The following OSTM1 variants were observed in gnomAD, a reference collection of about 807,000 sequenced individuals.
OSTM1 encodes the protein osteoclastogenesis associated transmembrane protein 1.
OSTM1 carries 26 observed loss-of-function variants against 35.4 expected under a neutral mutation model. The ratio of observed to expected loss-of-function variants is 0.73; its 90% confidence interval spans 0.54 to 1.02. The LOEUF (loss-of-function observed/expected upper bound fraction) is 1.02. Ranked by LOEUF, OSTM1 falls within the 50% of genes least tolerant of loss-of-function variation. OSTM1 has a pLI of 0.00. For synonymous variants in OSTM1, 181 were observed against 165.0 expected, an observed-to-expected ratio of 1.10 and a Z score of -0.75; for missense variants, 366 against 409.6, an observed-to-expected ratio of 0.89 and a Z score of 0.92.
chr6:108,073,462 A>C (rs770469179), intron 1 of OSTM1, among the ~76,000 whole-genome samples: 8 of 152,208 alleles, frequency 5.3e-5, no homozygotes, highest in Non-Finnish European at 1.0e-4. Context: ...AGCAGCTACC[A>C]CACACCTAGA....
intron 2 of OSTM1, among the ~76,000 whole-genome samples, chr6:108,060,422 C>T (rs1275207943): frequency 2.6e-5 from 4 of 152,130 alleles, no homozygotes; most frequent in South Asian, 2.1e-4. Context: ...ATCTTTTTTA[C>T]AAAACACCTT....
At chr6:108,052,482 C>A (rs1772093791) in intron 3 of OSTM1, among the ~76,000 whole-genome samples, 1 of 146,032 alleles carries the variant, frequency 6.8e-6, no homozygotes. Context: ...TAAAATTGTG[C>A]ACATAATCTA....
chr6:108,052,819 C>A (rs1772102558), intron 3 of OSTM1, among the ~76,000 whole-genome samples: 1 of 152,166 alleles, frequency 6.6e-6, no homozygotes, highest in Admixed American at 6.5e-5. Flanking sequence ...CCCTTCATTG[C>A]AACTCCTGCT....
Position 108,064,175 on chromosome 6 carries a change from A to G in OSTM1, c.517+10T>C, listed in dbSNP as rs1772337702. On this transcript the variant is annotated intron_variant, in intron 2 of 5. Transcript: ENST00000193322. The stretch of plus-strand genomic sequence containing the variant: ...CATAACTGCAACATGAAAATGAAAG[A>G]ATTACTTACTTGCACAATTTGCCTC... The G allele has an allele frequency of 7.7e-7, 1 of 1,306,524 alleles. No individual in the cohort carries two copies. Among genetic ancestry groups the G allele is most frequent in the Non-Finnish European group, 1.1e-6 (1 of 901,976 alleles). The allele number at this position is 1,306,524 out of a possible 1,614,324, so 80.9% of individuals were successfully genotyped here.
At chr6:108,052,511 C>CTTTTTTTTTT (rs35984071) in intron 3 of OSTM1, among the ~76,000 whole-genome samples, 1 of 108,092 alleles carries the variant, frequency 9.3e-6, no homozygotes, top group African/African-American at 3.6e-5. Flanking sequence ...GTAATTTAAC[C>CTTTTTTTTTT]TTTTTTTTTT....
chr6:108,056,574 G>A (rs1422494082), intron 2 of OSTM1, among the ~76,000 whole-genome samples: 2 of 152,218 alleles, frequency 1.3e-5, no homozygotes, highest in African/African-American at 2.4e-5. Flanking sequence ...AGACAGCACA[G>A]TAAAGCTCCT....
rs375602860 is a variant in OSTM1 at position 108,074,339 on chromosome 6, T to C, written c.313A>G (p.Ser105Gly). The change falls in exon 1 of 6, where the codon AGC becomes GGC. Residue 105 changes from serine (S) to glycine (G), a missense_variant. By Grantham distance (56) the Ser-to-Gly change is moderately conservative. Transcript: ENST00000193322. ...SAELTGCLVR[S>G]ARPVRLCQTC... ...TGACAGAGGCGCACGGGCCGGGCGC[T>C]GCGCACCAGACACCCTGTCAGCTCT... 1.0e-4 allele frequency: 163 copies of C among 1,609,542 alleles called. No homozygotes were observed. In the Middle Eastern group the frequency reaches 1.2e-3, roughly 11 times the overall value.
intron 2 of OSTM1, among the ~76,000 whole-genome samples, chr6:108,057,320 A>T (rs1772186044): frequency 6.6e-6 from 1 of 152,170 alleles, no homozygotes; most frequent in Middle Eastern, 3.2e-3. Context: ...AAAAACAAAC[A>T]ATTACATAGT....
At chr6:108,049,864 T>G (rs1318965444) in intron 4 of OSTM1, among the ~76,000 whole-genome samples, 4 of 152,230 alleles carry the variant, frequency 2.6e-5, no homozygotes, top group African/African-American at 7.2e-5. Context: ...TAAGTACTTT[T>G]TACCATCTCG....
intron 5 of OSTM1, among the ~76,000 whole-genome samples, chr6:108,048,010 CT>C (rs1423773307): frequency 6.6e-6 from 1 of 152,194 alleles, no homozygotes; most frequent in Admixed American, 6.5e-5. Context: ...ACCTGAGCTA[CT>C]GCATATTTAC....
chr6:108,047,973 C>T (rs1772009522), intron 5 of OSTM1, among the ~76,000 whole-genome samples: 1 of 152,254 alleles, frequency 6.6e-6, no homozygotes, highest in South Asian at 2.1e-4. Context: ...CAATATTTTG[C>T]TATTATTCTA....
intron 2 of OSTM1, among the ~76,000 whole-genome samples, chr6:108,057,115 C>A (rs561269539): frequency 1.1e-4 from 16 of 152,032 alleles, no homozygotes; most frequent in African/African-American, 3.6e-4. Context: ...GTGGTCCCAG[C>A]GGCTTGGGAG....
At chr6:108,051,330 T>C (rs544220278) in intron 3 of OSTM1, 132 bp from the exon 4 acceptor site, 124 of 667,180 alleles carry the variant, frequency 1.9e-4, no homozygotes, top group Non-Finnish European at 3.0e-4. Context: ...TGATGTTGAG[T>C]AGGTTACTAA....
chr6:108,049,557 G>A (rs188552894), intron 4 of OSTM1, 139 bp from the exon 5 acceptor site: 6 of 1,463,562 alleles, frequency 4.1e-6, no homozygotes, highest in Non-Finnish European at 9.0e-7. Flanking sequence ...GATAGTTGAG[G>A]ACAACTTCTT....
chr6:108,049,141 C>G, intron 5 of OSTM1, 112 bp downstream of exon 5: 1 of 724,138 alleles, frequency 1.4e-6, no homozygotes, highest in South Asian at 1.7e-5. Context: ...GCAGAGAGTC[C>G]TTTTAGGCTA....
intron 5 of OSTM1, 58 bp downstream of exon 5, chr6:108,049,195 C>T (rs779966746): frequency 5.9e-6 from 7 of 1,187,848 alleles, no homozygotes; most frequent in South Asian, 1.3e-5. Flanking sequence ...CTAAAACAGG[C>T]CTAAATTTTT....
intron 1 of OSTM1, among the ~76,000 whole-genome samples, chr6:108,069,971 A>G: frequency 6.6e-6 from 1 of 152,166 alleles, no homozygotes. Flanking sequence ...AAAGAAGGGT[A>G]GAAAGAATGC....
At chr6:108,062,155 A>G (rs1036777065) in intron 2 of OSTM1, among the ~76,000 whole-genome samples, 1 of 152,196 alleles carries the variant, frequency 6.6e-6, no homozygotes, top group Admixed American at 6.5e-5. Flanking sequence ...ACAAAAACTA[A>G]TAATTATGTT....
At position 108,044,034 on chromosome 6, in the gene OSTM1, G is replaced by A. The variant is rs925420631; in HGVS notation, c.*751C>T. 12 of 152,506 alleles carry A rather than the reference G, an allele frequency of 7.9e-5. No homozygotes were observed. The highest frequency in any genetic ancestry group is 1.5e-4 in the Non-Finnish European group (10 of 68,016). The allele number at this position is 152,506 out of a possible 1,614,324, so 9.4% of individuals were successfully genotyped here. On this transcript the variant is annotated 3_prime_UTR_variant, in exon 6 of 6. Coordinates refer to ENST00000193322, the MANE Select transcript of OSTM1 (RefSeq NM_014028.4). Reference sequence around the variant, plus strand: ...TGCCAAATAACTTAATGTAATTCACGATGCAAATCCTTGGTATAAAAATAA... The same window carrying A: ...TGCCAAATAACTTAATGTAATTCACAATGCAAATCCTTGGTATAAAAATAA...
Sources: allele counts gnomAD v4.1 joint callset (sites outside exome capture counted in the v4.1 genomes callset), GRCh38; gene constraint gnomAD v4.1.1; transcripts MANE v1.5; gene names NCBI Gene and HGNC (gene_info 2026-07-23, HGNC 2026-07-21).